RBFOX1: variants seen among roughly 807,000 people sequenced by gnomAD.
RBFOX1 encodes the protein RNA binding fox-1 homolog 1.
A neutral mutation model predicts 57.7 loss-of-function variants in RBFOX1; 8 were observed. That is an observed-to-expected ratio of 0.14 (90% CI 0.08 to 0.25). RBFOX1 has a LOEUF of 0.25. RBFOX1 is among the 10% of genes least tolerant of loss of function. The probability of loss-of-function intolerance (pLI) is 1.00; values close to 1 mark genes in which losing one functional copy is unlikely to be tolerated. For missense variants in RBFOX1, 611 were observed against 548.5 expected (o/e 1.11, Z -1.14); for synonymous variants, 326 against 222.4 (o/e 1.47, Z -4.15).
At chr16:6,248,990 T>C (rs1236597678) in intron 1 of RBFOX1, among the ~76,000 whole-genome samples, 1 of 152,184 alleles carries the variant, frequency 6.6e-6, no homozygotes, top group Non-Finnish European at 1.5e-5. Flanking sequence ...AGCCACAGTC[T>C]GCCTCCATGA....
At chr16:7,194,871 T>C (rs979873313) in intron 4 of RBFOX1, among the ~76,000 whole-genome samples, 1 of 147,684 alleles carries the variant, frequency 6.8e-6, no homozygotes, top group Non-Finnish European at 1.5e-5. Flanking sequence ...GAGGTTGCTG[T>C]GAGCCGAGAT....
At chr16:7,563,503 T>C (rs1012049217) in intron 5 of RBFOX1, among the ~76,000 whole-genome samples, 2 of 152,304 alleles carry the variant, frequency 1.3e-5, no homozygotes, top group South Asian at 2.1e-4. Flanking sequence ...AGTCTTACAC[T>C]GTTGCCCAGG....
At chr16:7,124,542 T>C (rs62014158) in intron 4 of RBFOX1, among the ~76,000 whole-genome samples, 48 of 81,586 alleles carry the variant, frequency 5.9e-4, no homozygotes, top group South Asian at 1.8e-3. Flanking sequence ...TCCTTCCCTC[T>C]CTCCCTCCCT....
At chr16:7,299,884 G>T (rs1236312719) in intron 4 of RBFOX1, among the ~76,000 whole-genome samples, 4 of 152,146 alleles carry the variant, frequency 2.6e-5, no homozygotes, top group African/African-American at 9.7e-5. Flanking sequence ...AATATCATAA[G>T]TAGAAATTAT....
intron 2 of RBFOX1, among the ~76,000 whole-genome samples, chr16:5,545,885 G>A (rs76794986): frequency 0.05 from 7,673 of 152,138 alleles, 211 homozygotes; most frequent in East Asian, 0.1. Flanking sequence ...TAAAATAGAT[G>A]TGTCTTTATT....
chr16:6,670,624 T>C (rs1450078454), intron 3 of RBFOX1, among the ~76,000 whole-genome samples: 4 of 152,138 alleles, frequency 2.6e-5, no homozygotes, highest in African/African-American at 9.7e-5. Context: ...AATATACCAA[T>C]CTCTATCTAC....
intron 3 of RBFOX1, among the ~76,000 whole-genome samples, chr16:6,856,418 A>T (rs2057912090): frequency 6.6e-6 from 1 of 152,108 alleles, no homozygotes; most frequent in Non-Finnish European, 1.5e-5. Flanking sequence ...TAGGTGAGCA[A>T]TCCTGATCCC....
intron 3 of RBFOX1, among the ~76,000 whole-genome samples, chr16:6,715,212 A>T (rs1392250746): frequency 6.6e-6 from 1 of 152,130 alleles, no homozygotes; most frequent in Non-Finnish European, 1.5e-5. Flanking sequence ...CTTATCAGTC[A>T]CACACACAGA....
At chr16:6,671,726 A>G (rs9923529) in intron 3 of RBFOX1, among the ~76,000 whole-genome samples, 33,381 of 152,102 alleles carry the variant, frequency 0.22, 3,836 homozygotes, top group East Asian at 0.28. Flanking sequence ...TTGGTTTTCC[A>G]TTTCTGAGTT....
chr16:5,444,881 T>C (rs1163114598), intron 1 of RBFOX1, among the ~76,000 whole-genome samples: 1 of 152,220 alleles, frequency 6.6e-6, no homozygotes. Context: ...TAGTTTACTC[T>C]ATGCTGTTAC....
chr16:6,904,774 C>G (rs1350641103), intron 3 of RBFOX1, among the ~76,000 whole-genome samples: 1 of 152,028 alleles, frequency 6.6e-6, no homozygotes, highest in African/African-American at 2.4e-5. Flanking sequence ...TTCACCTGCC[C>G]GGGCTACTTG....
intron 14 of RBFOX1, among the ~76,000 whole-genome samples, chr16:7,697,278 A>T (rs574175435): frequency 1.3e-5 from 2 of 152,104 alleles, no homozygotes; most frequent in Non-Finnish European, 2.9e-5. Flanking sequence ...CAAACAGGAC[A>T]TACTGGCAGA....
chr16:7,187,287 T>C (rs1330373002), intron 4 of RBFOX1, among the ~76,000 whole-genome samples: 1 of 144,882 alleles, frequency 6.9e-6, no homozygotes, highest in Non-Finnish European at 1.5e-5. Flanking sequence ...ATTAAAGTAA[T>C]TTTTTCTTAA....
chr16:7,396,965 CAT>C (rs1357635636), intron 4 of RBFOX1, among the ~76,000 whole-genome samples: 1 of 152,060 alleles, frequency 6.6e-6, no homozygotes, highest in Admixed American at 6.6e-5. Flanking sequence ...AAAAAAGAAA[CAT>C]AGCAGGAAGG....
chr16:6,785,593 T>A (rs2081819806), intron 3 of RBFOX1, among the ~76,000 whole-genome samples: 1 of 152,182 alleles, frequency 6.6e-6, no homozygotes, highest in Non-Finnish European at 1.5e-5. Context: ...TTCCATTAAA[T>A]AAGCTATTTT....
At chr16:5,939,531 G>C (rs1034702048) in intron 4 of RBFOX1, among the ~76,000 whole-genome samples, 2 of 152,180 alleles carry the variant, frequency 1.3e-5, no homozygotes, top group African/African-American at 4.8e-5. Context: ...CAACATGGCT[G>C]CTGGCCGCCC....
intron 4 of RBFOX1, among the ~76,000 whole-genome samples, chr16:7,183,720 C>CT (rs1555542067): frequency 1.3e-5 from 2 of 152,148 alleles, no homozygotes; most frequent in Non-Finnish European, 2.9e-5. Context: ...TGAACACAAG[C>CT]TAGTTCTTAG....
chr16:7,601,336 A>G (rs1193899358), intron 9 of RBFOX1, among the ~76,000 whole-genome samples: 1 of 152,200 alleles, frequency 6.6e-6, no homozygotes, highest in Admixed American at 6.5e-5. Flanking sequence ...GCTCAACACA[A>G]TGCTAGGTAT....
intron 3 of RBFOX1, among the ~76,000 whole-genome samples, chr16:5,816,152 C>G (rs999333422): frequency 6.6e-6 from 1 of 152,180 alleles, no homozygotes; most frequent in African/African-American, 2.4e-5. Context: ...CATTAACCCC[C>G]AGTGGCTCCT....
Sources: allele counts gnomAD v4.1 joint callset (sites outside exome capture counted in the v4.1 genomes callset), GRCh38; gene constraint gnomAD v4.1.1; transcripts MANE v1.5; gene names NCBI Gene and HGNC (gene_info 2026-07-23, HGNC 2026-07-21).